Variants in MYH4 observed in about 807,000 individuals in gnomAD.
MYH4 encodes myosin heavy chain 4.
A neutral mutation model predicts 229.9 loss-of-function variants in MYH4; 200 were observed. That is an observed-to-expected ratio of 0.87 (90% CI 0.78 to 0.98). The LOEUF (loss-of-function observed/expected upper bound fraction) is 0.98, where lower values mean the gene tolerates loss of function less well. Ranked by LOEUF, MYH4 falls within the 50% of genes least tolerant of loss-of-function variation. MYH4 has a pLI of 0.00. For missense variants in MYH4, 2,148 were observed against 2,332.6 expected (o/e 0.92, Z 1.63); for synonymous variants, 761 against 834.6 (o/e 0.91, Z 1.52).
chr17:10,454,973 C>T lies in MYH4; in HGVS notation c.2403G>A (p.Met801Ile), dbSNP rs760738426. The T allele has an allele frequency of 6.2e-7, 1 of 1,614,232 alleles. No individual in the cohort carries two copies. The highest frequency in any genetic ancestry group is 2.2e-5 in the East Asian group (1 of 44,886). The change falls in exon 21 of 40, where the codon ATG (methionine) becomes ATA (isoleucine). Residue 801 changes from methionine to isoleucine, a missense_variant. Met to Ile is a conservative substitution (Grantham distance 10). Coordinates refer to ENST00000255381, the MANE Select transcript of MYH4 (RefSeq NM_017533.2). ...RTQAICRGFL[M>I]RVEFRKMMER... ...CCATCATCTTTCTGAACTCCACTCTCATCAGGAACCCTCTGCATATGGCTT... is the reference window on the plus strand; with the variant it reads ...CCATCATCTTTCTGAACTCCACTCTTATCAGGAACCCTCTGCATATGGCTT...
intron 7 of MYH4, 61 bp from the exon 8 acceptor site, chr17:10,463,704 C>T: frequency 7.6e-7 from 1 of 1,319,498 alleles, no homozygotes. Context: ...TTCCCATTGA[C>T]CTCTTTCCCT....
chr17:10,455,250 A>G lies in MYH4; in HGVS notation c.2220T>C (p.Ile740=), dbSNP rs757835143. ...GTTTCTCAGAAGCCTTCTTGCTGTC[A>G]ATGAACTGACCCTCTGGGATAGCAC... ...NASAIPEGQF[I]DSKKASEKLL... Residue 740 remains isoleucine, a synonymous_variant, in exon 20 of 40, where the codon ATT becomes ATC. Coordinates refer to ENST00000255381, the MANE Select transcript of MYH4 (RefSeq NM_017533.2). 30 of 1,613,850 alleles carry G rather than the reference A, an allele frequency of 1.9e-5. No individual in the cohort carries two copies. The highest frequency in any genetic ancestry group is 2.4e-5 in the Non-Finnish European group (28 of 1,179,854).
intron 30 of MYH4, among the ~76,000 whole-genome samples, chr17:10,450,169 T>C (rs1016389150): frequency 2.6e-5 from 4 of 152,210 alleles, no homozygotes; most frequent in Non-Finnish European, 4.4e-5. Flanking sequence ...ACTAATTCTA[T>C]TTAATTCATA....
At position 10,443,515 on chromosome 17, in the gene MYH4, T is replaced by C. The variant is rs781406872; in HGVS notation, c.5680A>G (p.Asn1894Asp). 2 of 1,613,754 alleles carry C rather than the reference T, an allele frequency of 1.2e-6. No individual in the cohort carries two copies. Among genetic ancestry groups the C allele is most frequent in the South Asian group, 1.1e-5 (1 of 91,008 alleles). Residue 1894 changes from asparagine (N) to aspartate (D), a missense_variant, in exon 40 of 40, where the codon AAT (asparagine) becomes GAT (aspartate). Physicochemically the swap from Asn to Asp is conservative, Grantham distance 23. Transcript: ENST00000255381. The surrounding 1 kb of genome is among the most constrained non-coding windows in gnomAD (Gnocchi z 4.6). ...TTGCGGAACTTGGCAAGGTTGACAT[T>C]GGATTGTTCCTCCTGAGAACAGAGA... is the stretch of plus-strand genomic sequence containing the variant. ...RQAEEAEEQS[N>D]VNLAKFRKLQ...
chr17:10,464,504 T>C lies in MYH4; in HGVS notation c.616A>G (p.Lys206Glu), dbSNP rs773573474. The change falls in exon 7 of 40, where the codon AAA (lysine) becomes GAA (glutamate). Residue 206 changes from lysine (K) to glutamate (E), a missense_variant. Coordinates refer to ENST00000255381, the MANE Select transcript of MYH4 (RefSeq NM_017533.2). ...TTGCCAGAGGCAGGTTCCTCTTTTT[T>C]CTTCTCTCCAGTAACTGCAATTGTT... The part of the protein sequence containing the change: ...FATIAVTGEK[K>E]KEEPASGKMQ... 1 of 1,614,004 alleles carries C rather than the reference T, an allele frequency of 6.2e-7. No individual in the cohort carries two copies. The highest frequency in any genetic ancestry group is 1.7e-5 in the Admixed American group (1 of 60,008).
chr17:10,455,157 T>A lies in MYH4; in HGVS notation c.2298+15A>T. On this transcript the variant is annotated intron_variant, in intron 20 of 39. Transcript: ENST00000255381. ...TGATAGAATTATGACAGATAGAAAT[T>A]TGGACTGGTGATACCTTGGTATGAC... 6.2e-7 allele frequency: 1 copy of A among 1,614,114 alleles called. No homozygotes were observed. The highest frequency in any genetic ancestry group is 8.5e-7 in the Non-Finnish European group (1 of 1,179,992).
intron 15 of MYH4, 73 bp from the exon 16 acceptor site, chr17:10,457,802 CTG>C: frequency 6.7e-7 from 1 of 1,502,096 alleles, no homozygotes; most frequent in South Asian, 1.3e-5. Context: ...TGATGGAAAA[CTG>C]AAAATACAAT....
At chr17:10,465,658 A>G (rs2072755885) in intron 4 of MYH4, 60 bp from the exon 5 acceptor site, 3 of 1,604,854 alleles carry the variant, frequency 1.9e-6, no homozygotes, top group African/African-American at 1.3e-5. Context: ...TCTTGGAAAT[A>G]CTGTTTAAGG....
At position 10,466,728 on chromosome 17, in the gene MYH4, C is replaced by T. The variant is rs777738860; in HGVS notation, c.18G>A (p.Glu6=). 2 of 1,614,220 alleles carry T rather than the reference C, an allele frequency of 1.2e-6. No homozygotes were observed. Among genetic ancestry groups the T allele is most frequent in the Non-Finnish European group, 1.7e-6 (2 of 1,180,046 alleles). The change falls in exon 3 of 40, where the codon GAG becomes GAA. Residue 6 remains glutamate (E), a synonymous_variant. Coordinates refer to ENST00000255381, the MANE Select transcript of MYH4 (RefSeq NM_017533.2). MSSDS[E]MAIFGEAAPF... is the part of the protein sequence containing the mutation. ...GAGCAGCCTCCCCAAAAATGGCCAT[C>T]TCAGAGTCAGAACTCATGGCTGCAG...
chr17:10,450,251 G>A (rs2072557471), intron 30 of MYH4, among the ~76,000 whole-genome samples: 1 of 152,102 alleles, frequency 6.6e-6, no homozygotes, highest in African/African-American at 2.4e-5. Flanking sequence ...AAGAATGGGT[G>A]GAGGGATCTG....
chr17:10,466,274 TAG>T lies in MYH4; in HGVS notation c.345_346del (p.Tyr116HisfsTer22). Reference sequence around the variant, plus strand: ...AAATAGCGTTGAAAGGGTGCTCACGTAGATCATCCAGGCTGCGTAACGCTCTT... The same window carrying T: ...AAATAGCGTTGAAAGGGTGCTCACGTATCATCCAGGCTGCGTAACGCTCTT... On this transcript the variant is annotated frameshift_variant and splice_region_variant, in exon 4 of 40. Coordinates refer to ENST00000255381, the MANE Select transcript of MYH4 (RefSeq NM_017533.2). LOFTEE classifies it high-confidence loss of function. 1 of 1,613,974 alleles carries T rather than the reference TAG, an allele frequency of 6.2e-7. No homozygotes were observed.
chr17:10,467,922 G>A (rs937872898), intron 2 of MYH4, among the ~76,000 whole-genome samples: 1 of 152,228 alleles, frequency 6.6e-6, no homozygotes, highest in African/African-American at 2.4e-5. Flanking sequence ...TGACAGCAAT[G>A]ATGGCGACAA....
intron 14 of MYH4, among the ~76,000 whole-genome samples, 168 bp downstream of exon 14, chr17:10,459,784 A>G (rs1251609327): frequency 3.3e-5 from 5 of 151,934 alleles, no homozygotes; most frequent in African/African-American, 1.2e-4. Flanking sequence ...AAAGAATAGA[A>G]TTTTCTCTTT....
At position 10,447,090 on chromosome 17, in the gene MYH4, G is replaced by T. The variant is rs151306433; in HGVS notation, c.5092C>A (p.Arg1698=). 6.2e-7 allele frequency: 1 copy of T among 1,614,064 alleles called. No individual in the cohort carries two copies. The highest frequency in any genetic ancestry group is 8.5e-7 in the Non-Finnish European group (1 of 1,180,014). ...EVEELRASLE[R]TERGRKMAEQ... is the part of the protein sequence containing the mutation. The stretch of plus-strand genomic sequence containing the variant: ...GCCATTTTCCTGCCTCTCTCAGTCC[G>T]TTCCAGGGATGCCCTGAGCTCTTCA... The change falls in exon 35 of 40, where the codon CGG becomes AGG. Residue 1698 remains arginine, a synonymous_variant. Transcript: ENST00000255381.
intron 16 of MYH4, 24 bp downstream of exon 16, chr17:10,457,396 C>T: frequency 6.4e-7 from 1 of 1,561,630 alleles, no homozygotes; most frequent in Admixed American, 1.9e-5. Context: ...ACTCTTGTAA[C>T]ATATTAGTGC....
intron 5 of MYH4, among the ~76,000 whole-genome samples, chr17:10,465,216 A>C (rs1191236823): frequency 2.0e-5 from 3 of 152,206 alleles, no homozygotes; most frequent in Non-Finnish European, 2.9e-5. Context: ...ATCTAAGCAA[A>C]ATTTCCTCTA....
rs2072593328 is a variant in MYH4 at position 10,452,850 on chromosome 17, A to G, written c.3194T>C (p.Leu1065Ser). The change falls in exon 25 of 40, where the codon TTG (leucine) becomes TCG (serine). Residue 1065 changes from leucine (L) to serine (S), a missense_variant. Leu to Ser is a moderately radical substitution (Grantham distance 145). Transcript: ENST00000255381. The stretch of plus-strand genomic sequence containing the variant: ...TGTATCCATTGTGGATTCTTGGGCC[A>G]ATTTTAGGTCACCCTCCAGTTTTCT... Reference protein sequence around the residue: ...AKRKLEGDLKLAQESTMDTEN... With the variant: ...AKRKLEGDLKSAQESTMDTEN... 1.2e-6 allele frequency: 2 copies of G among 1,608,886 alleles called. No homozygotes were observed. Among genetic ancestry groups the G allele is most frequent in the Admixed American group, 1.7e-5 (1 of 58,552 alleles).
rs761502978 is a variant in MYH4, at chr17:10,460,064, T to C, written c.1304A>G (p.Tyr435Cys). Residue 435 changes from tyrosine (Y) to cysteine (C), a missense_variant, in exon 14 of 40, where the codon TAC becomes TGC. Physicochemically the swap from Tyr to Cys is radical, Grantham distance 194. Transcript: ENST00000255381. ...GACCATCCACAGGAACATCTTCTCG[T>C]AGATGGCTTTGGCCAGAGCACCCAC... Reference protein sequence around the residue: ...NAVGALAKAIYEKMFLWMVTR... With the variant: ...NAVGALAKAICEKMFLWMVTR... 9 of 1,614,184 alleles carry C rather than the reference T, an allele frequency of 5.6e-6. No homozygotes were observed. The highest frequency in any genetic ancestry group is 7.6e-6 in the Non-Finnish European group (9 of 1,180,016).
rs367554673 is a variant in MYH4, at chr17:10,459,359, G to A, written c.1479C>T (p.Asn493=). The A allele has an allele frequency of 2.5e-6, 4 of 1,614,000 alleles. No homozygotes were observed. Among genetic ancestry groups the A allele is most frequent in the African/African-American group, 2.7e-5 (2 of 74,916 alleles). Residue 493 remains asparagine (N), a synonymous_variant, in exon 15 of 40, where the codon AAC becomes AAT. Coordinates refer to ENST00000255381, the MANE Select transcript of MYH4 (RefSeq NM_017533.2). ...CCTGCTCCAGCACGAACATGTGGTG[G>A]TTGAAAAACTGTTGCAGTTTCTCGT... The part of the protein sequence containing the change: ...FTNEKLQQFF[N]HHMFVLEQEE...
Sources: gnomAD v4.1 joint callset for allele counts (sites outside exome capture counted in the v4.1 genomes callset) on GRCh38, gnomAD v4.1.1 for gene constraint, Gnocchi (gnomAD v3.1) non-coding constraint, MANE v1.5 for transcripts, NCBI Gene and HGNC (gene_info 2026-07-23, HGNC 2026-07-21) for gene names.